CPXM2: variants seen among roughly 807,000 people sequenced by gnomAD.
The protein encoded by CPXM2 is carboxypeptidase X, M14 family member 2, also known as inactive carboxypeptidase-like protein X2.
A neutral mutation model predicts 86.1 loss-of-function variants in CPXM2; 66 were observed. The ratio of observed to expected loss-of-function variants is 0.77; its 90% CI spans 0.63 to 0.94. The LOEUF is 0.94. Among genes scored for constraint, CPXM2 ranks in the 40% least tolerant of loss-of-function variants. The pLI is 0.00. For synonymous variants in CPXM2, 388 were observed against 400.2 expected (o/e 0.97, Z 0.36); for missense variants, 948 against 1,026.3 (o/e 0.92, Z 1.04).
At chr10:123,888,045 C>T (rs1945207793) in intron 1 of CPXM2, among the ~76,000 whole-genome samples, 1 of 152,170 alleles carries the variant, frequency 6.6e-6, no homozygotes, top group South Asian at 2.1e-4. Flanking sequence ...CAGCATGTCA[C>T]ACCCATTGGG....
Position 123,891,386 on chromosome 10 carries a change from C to A in CPXM2, c.274G>T (p.Glu92Ter). 6.4e-7 allele frequency: 1 copy of A among 1,566,078 alleles called. No homozygotes were observed. ...GGAGGCGGCTCCGGAGCCGACTTCT[C>A]CCTCTTGGGAGCTTTCTTGGGCTTG... ...ATKPKKAPKR[E>*]KSAPEPPPPG... Residue 92 changes from glutamate to a stop codon, truncating the protein, a stop_gained, in exon 1 of 14, where the codon GAG becomes TAG. Transcript: ENST00000241305. LOFTEE classifies it high-confidence loss of function. This position sits in a 1 kb window ranked among gnomAD's most constrained non-coding sequence, Gnocchi z 5.6.
At chr10:123,866,079 G>C (rs371297969) in intron 2 of CPXM2, among the ~76,000 whole-genome samples, 5 of 151,988 alleles carry the variant, frequency 3.3e-5, no homozygotes, top group African/African-American at 1.2e-4. Flanking sequence ...TTCCTTCCTT[G>C]TTTGGACTTT....
chr10:123,923,356 G>A (rs534335548), intron 2 of CPXM2, among the ~76,000 whole-genome samples: 40 of 151,894 alleles, frequency 2.6e-4, no homozygotes, highest in African/African-American at 4.8e-4. Context: ...CGAGGCGGGC[G>A]GATCACGAGG....
chr10:123,746,855 C>T lies in CPXM2; in HGVS notation c.2180G>A (p.Arg727Gln), dbSNP rs755228564. Residue 727 changes from arginine to glutamine, a missense_variant, in exon 14 of 14, where the codon CGA (arginine) becomes CAA (glutamine). Coordinates refer to ENST00000241305, the MANE Select transcript of CPXM2 (RefSeq NM_198148.3). ...TLSKTNMARI[R>Q]EIMEKFGKQP... is the part of the protein sequence containing the mutation. ...CTTCCCAAACTTCTCCATGATCTCT[C>T]GGATCCTGGCCATGTTGGTTTTGCT... 1.9e-6 allele frequency: 3 copies of T among 1,614,182 alleles called. No individual in the cohort carries two copies. Among genetic ancestry groups the T allele is most frequent in the South Asian group, 1.1e-5 (1 of 91,080 alleles).
At chr10:123,868,510 G>C (rs1944835708) in intron 2 of CPXM2, among the ~76,000 whole-genome samples, 1 of 152,154 alleles carries the variant, frequency 6.6e-6, no homozygotes, top group African/African-American at 2.4e-5. Flanking sequence ...GGACCTGCCA[G>C]GAGATGACCA....
chr10:123,794,713 TTTTA>T (rs745779780), intron 6 of CPXM2, among the ~76,000 whole-genome samples: 3 of 151,650 alleles, frequency 2.0e-5, no homozygotes, highest in Admixed American at 6.6e-5. Flanking sequence ...ATCAAATCAT[TTTTA>T]TTTATTTATT....
At chr10:123,854,939 T>C (rs544921512) in intron 3 of CPXM2, among the ~76,000 whole-genome samples, 28 of 152,222 alleles carry the variant, frequency 1.8e-4, no homozygotes, top group African/African-American at 6.3e-4. Flanking sequence ...TAATAATCTG[T>C]GGTTCATGGG....
chr10:123,830,886 G>C (rs201514440), intron 4 of CPXM2, among the ~76,000 whole-genome samples: 19,493 of 151,508 alleles, frequency 0.13, 1,411 homozygotes, highest in East Asian at 0.33. Flanking sequence ...GTGTGTGTGT[G>C]TGTGTGTGTG....
intron 11 of CPXM2, among the ~76,000 whole-genome samples, chr10:123,761,385 C>A (rs1046923401): frequency 6.6e-6 from 1 of 152,178 alleles, no homozygotes; most frequent in Admixed American, 6.5e-5. Flanking sequence ...TGTGGGTTTA[C>A]ACACAGGACA....
chr10:123,766,219 G>C (rs1846469173), intron 10 of CPXM2, among the ~76,000 whole-genome samples: 2 of 152,252 alleles, frequency 1.3e-5, no homozygotes, highest in Non-Finnish European at 2.9e-5. Flanking sequence ...CAGAGAGAGA[G>C]AGATGAATCC....
chr10:123,794,074 A>C (rs1403631374), intron 6 of CPXM2, among the ~76,000 whole-genome samples: 1 of 152,230 alleles, frequency 6.6e-6, no homozygotes, highest in Admixed American at 6.5e-5. Context: ...GGAAGGATAC[A>C]GTGTGTCACC....
intron 11 of CPXM2, among the ~76,000 whole-genome samples, chr10:123,760,725 C>T (rs556885282): frequency 6.6e-6 from 1 of 152,164 alleles, no homozygotes; most frequent in Non-Finnish European, 1.5e-5. Context: ...TCAAGCACAT[C>T]CACATCTTCC....
At chr10:123,913,093 C>T (rs959451636) in intron 2 of CPXM2, among the ~76,000 whole-genome samples, 1 of 152,130 alleles carries the variant, frequency 6.6e-6, no homozygotes, top group Non-Finnish European at 1.5e-5. Flanking sequence ...GGGCTCTCTG[C>T]CTTGATTTGA....
intron 2 of CPXM2, among the ~76,000 whole-genome samples, chr10:123,918,654 G>A (rs912836497): frequency 1.2e-4 from 18 of 152,138 alleles, no homozygotes; most frequent in African/African-American, 3.9e-4. Context: ...GGCTAAATCC[G>A]CATTTTGTTT....
chr10:123,895,709 C>T (rs1243980373), upstream of CPXM2, among the ~76,000 whole-genome samples: 2 of 152,170 alleles, frequency 1.3e-5, no homozygotes, highest in African/African-American at 4.8e-5. Flanking sequence ...AAGTAGAACT[C>T]CAGAAAGCAC....
rs376249274 is a variant in CPXM2, at chr10:123,780,227, G to A, written c.918C>T (p.Asn306=). The A allele has an allele frequency of 5.3e-5, 85 of 1,609,204 alleles. No individual in the cohort carries two copies. The highest frequency in any genetic ancestry group is 3.6e-4 in the South Asian group (33 of 90,984). The change falls in exon 7 of 14, where the codon AAC becomes AAT. Residue 306 remains asparagine (N), a synonymous_variant. Transcript: ENST00000241305. Reference sequence around the variant, plus strand: ...CCAGGTCATCAGTGGTGGTCATCTCGTTCCGGCGGTGATAATAATTATTAG... The same window carrying A: ...CCAGGTCATCAGTGGTGGTCATCTCATTCCGGCGGTGATAATAATTATTAG... The part of the protein sequence containing the change: ...PDPNNYYHRR[N]EMTTTDDLDF...
chr10:123,938,122 C>G (rs1414342250), intron 2 of CPXM2, among the ~76,000 whole-genome samples: 1 of 152,120 alleles, frequency 6.6e-6, no homozygotes, highest in Non-Finnish European at 1.5e-5. Context: ...CACTCTCCCT[C>G]CCTTTCTCTC....
At chr10:123,800,209 G>C (rs1847427172) in intron 4 of CPXM2, among the ~76,000 whole-genome samples, 1 of 151,356 alleles carries the variant, frequency 6.6e-6, no homozygotes, top group Non-Finnish European at 1.5e-5. Flanking sequence ...ATGCATTCTG[G>C]TTCATCCGAC....
At chr10:123,769,688 G>C (rs1846581325) in intron 8 of CPXM2, 1 of 152,234 alleles carries the variant, frequency 6.6e-6, no homozygotes, top group Non-Finnish European at 1.5e-5. Context: ...TTGACCTTCT[G>C]CTCCTGCCAT....
Sources: allele counts gnomAD v4.1 joint callset (sites outside exome capture counted in the v4.1 genomes callset), GRCh38; gene constraint gnomAD v4.1.1; non-coding constraint Gnocchi (gnomAD v3.1); transcripts MANE v1.5; gene names NCBI Gene and HGNC (gene_info 2026-07-23, HGNC 2026-07-21).